The following NFATC2 variants were observed in gnomAD, a reference collection of about 807,000 sequenced individuals.
NFATC2 encodes the protein nuclear factor of activated T-cells, cytoplasmic 2.
A neutral mutation model predicts 87.3 loss-of-function variants in NFATC2; 22 were observed. The observed-to-expected ratio is 0.25, with a 90% CI of 0.18 to 0.36. The LOEUF (loss-of-function observed/expected upper bound fraction) is 0.36, where lower values mean the gene tolerates loss of function less well. Among genes scored for constraint, NFATC2 ranks in the 10% least tolerant of loss-of-function variants. NFATC2 has a pLI of 1.00. For missense variants in NFATC2, 1,149 were observed against 1,259.1 expected, an observed-to-expected ratio of 0.91 and a Z score of 1.32; for synonymous variants, 565 against 542.2, an observed-to-expected ratio of 1.04 and a Z score of -0.58.
At chr20:51,476,519 C>A (rs1325312332) in intron 3 of NFATC2, among the ~76,000 whole-genome samples, 1 of 152,116 alleles carries the variant, frequency 6.6e-6, no homozygotes, top group African/African-American at 2.4e-5. Context: ...ATCCCAATGG[C>A]TTTCCCTATC....
rs189417070 is a variant in NFATC2, at chr20:51,474,929, C to T, written c.1535+529G>A. The stretch of plus-strand genomic sequence containing the variant: ...TAACACAAATATTCACGAGTTCTTC[C>T]TCCCGAGGCACATGAAAATACTGAC... On this transcript the variant is annotated intron_variant, in intron 4 of 10. Coordinates refer to ENST00000371564, the MANE Select transcript of NFATC2 (RefSeq NM_012340.5). 5.9e-5 allele frequency among the ~76,000 whole-genome samples: 9 copies of T among 152,068 alleles called. No homozygotes were observed. In the East Asian group the frequency reaches 1.7e-3, roughly 29 times the overall value.
chr20:51,518,015 T>C (rs1183804401), intron 2 of NFATC2, among the ~76,000 whole-genome samples: 2 of 152,304 alleles, frequency 1.3e-5, no homozygotes, highest in South Asian at 2.1e-4. Context: ...GGGGGCATGA[T>C]TGTATGTGAA....
intron 3 of NFATC2, among the ~76,000 whole-genome samples, chr20:51,510,545 G>A (rs868451756): frequency 1.4e-4 from 21 of 152,202 alleles, no homozygotes; most frequent in African/African-American, 4.6e-4. Context: ...AGTCAGGCTT[G>A]TGCATTAAGA....
At chr20:51,416,565 T>G (rs6021188) in intron 9 of NFATC2, among the ~76,000 whole-genome samples, 90,517 of 151,962 alleles carry the variant, frequency 0.6, 29,263 homozygotes, top group Non-Finnish European at 0.74. Flanking sequence ...GAGAAGATAT[T>G]AAAGGAGGGT....
At chr20:51,429,195 A>T (rs1982311808) in intron 9 of NFATC2, among the ~76,000 whole-genome samples, 1 of 152,250 alleles carries the variant, frequency 6.6e-6, no homozygotes, top group Non-Finnish European at 1.5e-5. Context: ...AAATTGCAGC[A>T]GTTCAGAGAC....
At chr20:51,457,815 C>A (rs1986724796) in intron 5 of NFATC2, among the ~76,000 whole-genome samples, 1 of 151,794 alleles carries the variant, frequency 6.6e-6, no homozygotes. Flanking sequence ...GTTTGAGAAG[C>A]TCTGTTCAGC....
intron 8 of NFATC2, among the ~76,000 whole-genome samples, chr20:51,434,560 C>G (rs538485569): frequency 1.7e-4 from 26 of 152,184 alleles, no homozygotes; most frequent in Non-Finnish European, 3.5e-4. Flanking sequence ...GACCTAATCC[C>G]CTCTGTTAGA....
intron 10 of NFATC2, among the ~76,000 whole-genome samples, chr20:51,394,300 C>T (rs895760037): frequency 3.3e-5 from 5 of 152,034 alleles, no homozygotes; most frequent in Admixed American, 6.6e-5. Context: ...GTCCACAGGT[C>T]CCACATTTGC....
chr20:51,466,878 C>A (rs1230287081), intron 5 of NFATC2, among the ~76,000 whole-genome samples: 1 of 152,050 alleles, frequency 6.6e-6, no homozygotes. Flanking sequence ...TCAAGACCAG[C>A]CTGGTCAACA....
At chr20:51,475,754 G>C in intron 3 of NFATC2, 94 bp from the exon 4 acceptor site, 1 of 1,153,004 alleles carries the variant, frequency 8.7e-7, no homozygotes, top group Non-Finnish European at 1.2e-6. Context: ...GGGCAGTAGA[G>C]AGACTATGGG....
intron 5 of NFATC2, 77 bp from the exon 6 acceptor site, chr20:51,454,765 C>T (rs987316205): frequency 1.4e-5 from 22 of 1,528,718 alleles, no homozygotes; most frequent in Non-Finnish European, 2.0e-5. Context: ...TTTCATGGTA[C>T]TGAGATATGA....
At chr20:51,423,291 C>CT (rs1981242405) in intron 9 of NFATC2, among the ~76,000 whole-genome samples, 1 of 62,868 alleles carries the variant, frequency 1.6e-5, no homozygotes, top group Non-Finnish European at 2.7e-5. Context: ...GACCCTCTCT[C>CT]AAAAAAAAAA....
chr20:51,437,798 C>G (rs532870886), intron 6 of NFATC2, among the ~76,000 whole-genome samples: 2 of 152,164 alleles, frequency 1.3e-5, no homozygotes, highest in African/African-American at 4.8e-5. Flanking sequence ...CCCTTGGTCC[C>G]TGCTGAAGGG....
intron 1 of NFATC2, among the ~76,000 whole-genome samples, chr20:51,552,824 T>C (rs1024698156): frequency 6.6e-6 from 1 of 152,164 alleles, no homozygotes; most frequent in African/African-American, 2.4e-5. Flanking sequence ...TTTAATTATA[T>C]ATTAAGTTCT....
Position 51,523,522 on chromosome 20 carries a change from C to T in NFATC2, c.719G>A (p.Arg240His), listed in dbSNP as rs2076488354. The part of the protein sequence containing the change: ...SCLGRHSPVP[R>H]PASRSSSPGA... ...AGGCGATGAGGAGCGGGAGGCCGGA[C>T]GGGGCACGGGCGAGTGGCGGCCCAG... The change falls in exon 2 of 11, where the codon CGT (arginine) becomes CAT (histidine). Residue 240 changes from arginine to histidine, a missense_variant. Physicochemically the swap from Arg to His is conservative, Grantham distance 29. This residue lies in a region of NFATC2 where 563 missense variants were observed against 585.2 expected (regional missense o/e 0.96). Coordinates refer to ENST00000371564, the MANE Select transcript of NFATC2 (RefSeq NM_012340.5). The surrounding 1 kb of genome is among the most constrained non-coding windows in gnomAD (Gnocchi z 6.9). 2 of 1,613,216 alleles carry T rather than the reference C, an allele frequency of 1.2e-6. No homozygotes were observed. Among genetic ancestry groups the T allele is most frequent in the Middle Eastern group, 1.7e-4 (1 of 6,056 alleles).
At chr20:51,404,832 C>CGTGA (rs1176383728) in intron 9 of NFATC2, among the ~76,000 whole-genome samples, 1 of 152,204 alleles carries the variant, frequency 6.6e-6, no homozygotes, top group Non-Finnish European at 1.5e-5. Context: ...TGCAGAGCAG[C>CGTGA]GTGAGTCACT....
chr20:51,490,417 G>A (rs1600856698), intron 3 of NFATC2, among the ~76,000 whole-genome samples: 1 of 152,162 alleles, frequency 6.6e-6, no homozygotes, highest in African/African-American at 2.4e-5. Flanking sequence ...TCTAAAGAGG[G>A]AAGAATACAC....
At chr20:51,526,786 G>A (rs1002605372) in intron 1 of NFATC2, among the ~76,000 whole-genome samples, 16 of 152,026 alleles carry the variant, frequency 1.1e-4, no homozygotes, top group Non-Finnish European at 7.4e-5. Context: ...CAGCTCTTAG[G>A]TAAAAATAAA....
intron 8 of NFATC2, among the ~76,000 whole-genome samples, chr20:51,434,831 C>T (rs1218701165): frequency 6.6e-6 from 1 of 152,016 alleles, no homozygotes; most frequent in Non-Finnish European, 1.5e-5. Flanking sequence ...AGGGCACAGC[C>T]CCTCTATCAT....
Sources: gnomAD v4.1 joint callset for allele counts (sites outside exome capture counted in the v4.1 genomes callset) on GRCh38, gnomAD v4.1.1 for gene constraint, gnomAD v4.1.1 regional missense constraint, Gnocchi (gnomAD v3.1) non-coding constraint, MANE v1.5 for transcripts, NCBI Gene and HGNC (gene_info 2026-07-23, HGNC 2026-07-21) for gene names.